The following CTNNA2 variants were observed in gnomAD, a reference collection of about 807,000 sequenced individuals.
CTNNA2 encodes the protein catenin alpha-2.
A neutral mutation model predicts 101.0 loss-of-function variants in CTNNA2; 42 were observed. The ratio of observed to expected loss-of-function variants is 0.42; its 90% CI spans 0.32 to 0.54. The LOEUF (loss-of-function observed/expected upper bound fraction) is 0.54, where lower values mean the gene tolerates loss of function less well. Among genes scored for constraint, CTNNA2 ranks in the 20% least tolerant of loss-of-function variants. CTNNA2 has a pLI of 0.14. For missense variants in CTNNA2, 871 were observed against 1,223.1 expected, an observed-to-expected ratio of 0.71 and a Z score of 4.29; for synonymous variants, 450 against 456.4, an observed-to-expected ratio of 0.99 and a Z score of 0.18.
chr2:79,367,295 C>T (rs1192691038), intron 3 of CTNNA2, among the ~76,000 whole-genome samples: 2 of 152,096 alleles, frequency 1.3e-5, no homozygotes, highest in Non-Finnish European at 1.5e-5. Flanking sequence ...AAATACATTT[C>T]GGTTAAGCCA....
chr2:80,534,149 C>G (rs914816857), intron 9 of CTNNA2, among the ~76,000 whole-genome samples: 2 of 152,066 alleles, frequency 1.3e-5, no homozygotes, highest in African/African-American at 4.8e-5. Flanking sequence ...GTGTGTATCC[C>G]TAAGAACACA....
chr2:79,538,057 A>T (rs747283912), intron 1 of CTNNA2, among the ~76,000 whole-genome samples: 5 of 152,160 alleles, frequency 3.3e-5, no homozygotes, highest in Non-Finnish European at 7.3e-5. Flanking sequence ...CATTCACTCA[A>T]TGTAGAGGAG....
At chr2:79,568,981 G>C (rs1195422617) in intron 1 of CTNNA2, among the ~76,000 whole-genome samples, 1 of 151,762 alleles carries the variant, frequency 6.6e-6, no homozygotes, top group East Asian at 1.9e-4. Context: ...TTGCAGTGAG[G>C]TGAGATCATA....
intron 3 of CTNNA2, among the ~76,000 whole-genome samples, chr2:79,748,333 A>C (rs189876225): frequency 6.6e-6 from 1 of 152,344 alleles, no homozygotes; most frequent in African/African-American, 2.4e-5. Context: ...CTTTCCTTCT[A>C]TCATAGAAAT....
At chr2:79,708,441 T>C (rs528886429) in intron 2 of CTNNA2, among the ~76,000 whole-genome samples, 14 of 152,320 alleles carry the variant, frequency 9.2e-5, no homozygotes, top group African/African-American at 3.4e-4. Context: ...TTTCATGAGA[T>C]CTGTGTTCTG....
intron 7 of CTNNA2, among the ~76,000 whole-genome samples, chr2:80,290,153 T>C (rs1443148068): frequency 1.4e-4 from 22 of 152,166 alleles, no homozygotes; most frequent in African/African-American, 4.8e-5. Context: ...GACAAGGGAA[T>C]TGAGGTACAG....
intron 3 of CTNNA2, among the ~76,000 whole-genome samples, chr2:79,819,047 T>A (rs187077658): frequency 2.7e-4 from 41 of 150,788 alleles, no homozygotes; most frequent in African/African-American, 1.0e-3. Context: ...TGGTATGATC[T>A]CGGTTCACTG....
intron 1 of CTNNA2, among the ~76,000 whole-genome samples, chr2:79,566,494 A>T (rs377133581): frequency 1.3e-5 from 2 of 152,172 alleles, no homozygotes; most frequent in East Asian, 3.9e-4. Context: ...ATTTTCAGGG[A>T]AGTCAAATCT....
chr2:79,202,516 A>C (rs548320819), intron 2 of CTNNA2, among the ~76,000 whole-genome samples: 1 of 152,130 alleles, frequency 6.6e-6, no homozygotes, highest in African/African-American at 2.4e-5. Flanking sequence ...TTCTTAGAAG[A>C]AAGATTGCGT....
rs566403963 is a variant in CTNNA2, at chr2:80,005,567, A to C, written c.1056+95770A>C. 3.9e-5 allele frequency among the ~76,000 whole-genome samples: 6 copies of C among 152,322 alleles called. No individual in the cohort carries two copies. In the East Asian group the frequency reaches 1.2e-3, roughly 29 times the overall value. On this transcript the variant is annotated intron_variant, in intron 7 of 18. Transcript: ENST00000402739. ...TTTGGCACTTAATGGTATAGTAACCACCAGCCTGGGTCGGCCAAGGAGTGG... is the reference window on the plus strand; with the variant it reads ...TTTGGCACTTAATGGTATAGTAACCCCCAGCCTGGGTCGGCCAAGGAGTGG...
chr2:80,091,943 C>T (rs886357098), intron 7 of CTNNA2, among the ~76,000 whole-genome samples: 42 of 152,104 alleles, frequency 2.8e-4, no homozygotes, highest in African/African-American at 9.9e-4. Flanking sequence ...TTTTGATGCT[C>T]TTAGACATAC....
At chr2:80,170,803 A>G (rs942444360) in intron 7 of CTNNA2, among the ~76,000 whole-genome samples, 2 of 152,186 alleles carry the variant, frequency 1.3e-5, no homozygotes, top group African/African-American at 4.8e-5. Context: ...AATGGTGAAT[A>G]AGCATCTGTT....
chr2:80,486,433 A>G (rs1428440558), intron 9 of CTNNA2, among the ~76,000 whole-genome samples: 1 of 152,206 alleles, frequency 6.6e-6, no homozygotes, highest in Non-Finnish European at 1.5e-5. Context: ...CCATGGAAAC[A>G]CATTTGTAAT....
At position 80,177,476 on chromosome 2, in the gene CTNNA2, C is replaced by G. The variant is rs186380694; in HGVS notation, c.1057-215735C>G. 1.6e-3 allele frequency among the ~76,000 whole-genome samples: 245 copies of G among 152,272 alleles called. 1 individual carries two copies. Among genetic ancestry groups the G allele is most frequent in the African/African-American group, 5.7e-3 (236 of 41,566 alleles). On this transcript the variant is annotated intron_variant, in intron 7 of 18. Transcript: ENST00000402739. Reference sequence around the variant, plus strand: ...CTCTGCTGCCAGCAAATTGGGCACTCAGTGGTGGTCATAGCCAGGTCAGCC... The same window carrying G: ...CTCTGCTGCCAGCAAATTGGGCACTGAGTGGTGGTCATAGCCAGGTCAGCC...
chr2:80,388,624 G>T (rs902563643), intron 7 of CTNNA2, among the ~76,000 whole-genome samples: 3 of 152,192 alleles, frequency 2.0e-5, no homozygotes, highest in Non-Finnish European at 4.4e-5. Context: ...CACTTAGGTG[G>T]TTATTGGCAG....
chr2:79,564,520 AG>A (rs1219391563), intron 1 of CTNNA2, among the ~76,000 whole-genome samples: 3 of 152,062 alleles, frequency 2.0e-5, no homozygotes, highest in African/African-American at 7.2e-5. Flanking sequence ...TTTTAAATGG[AG>A]GGGGCTTACG....
intron 7 of CTNNA2, among the ~76,000 whole-genome samples, chr2:80,297,369 A>G (rs1675839937): frequency 2.0e-5 from 3 of 152,152 alleles, no homozygotes; most frequent in African/African-American, 7.2e-5. Flanking sequence ...GACTTCTGTA[A>G]GCCTCAGGTT....
intron 7 of CTNNA2, among the ~76,000 whole-genome samples, chr2:79,997,856 G>A (rs1219074881): frequency 2.0e-5 from 3 of 152,162 alleles, no homozygotes; most frequent in Non-Finnish European, 4.4e-5. Context: ...TTCATGGCTA[G>A]AACTAAGTTA....
chr2:80,416,024 A>G (rs896252191), intron 8 of CTNNA2, among the ~76,000 whole-genome samples: 3 of 152,136 alleles, frequency 2.0e-5, no homozygotes, highest in Non-Finnish European at 4.4e-5. Context: ...CAGAAACAAA[A>G]AGTAAGCCAG....
Sources: gnomAD v4.1 joint callset for allele counts (sites outside exome capture counted in the v4.1 genomes callset) on GRCh38, gnomAD v4.1.1 for gene constraint, MANE v1.5 for transcripts, NCBI Gene and HGNC (gene_info 2026-07-23, HGNC 2026-07-21) for gene names.